Variants in SLC41A2 observed in about 807,000 individuals in gnomAD.
SLC41A2 encodes the protein solute carrier family 41 member 2.
SLC41A2 carries 32 observed loss-of-function variants against 58.3 expected under a neutral mutation model. That is an observed-to-expected ratio of 0.55 (90% CI 0.41 to 0.74). SLC41A2 has a LOEUF of 0.74. Among genes scored for constraint, SLC41A2 ranks in the 30% least tolerant of loss-of-function variants. The probability of loss-of-function intolerance (pLI) is 0.00; values close to 1 mark genes in which losing one functional copy is unlikely to be tolerated. For missense variants in SLC41A2, 514 were observed against 680.6 expected, an observed-to-expected ratio of 0.76 and a Z score of 2.72; for synonymous variants, 190 against 235.0, an observed-to-expected ratio of 0.81 and a Z score of 1.75.
chr12:104,935,652 C>T (rs935461393), intron 1 of SLC41A2, among the ~76,000 whole-genome samples: 2 of 152,322 alleles, frequency 1.3e-5, no homozygotes, highest in African/African-American at 4.8e-5. Context: ...ACAAAGGCCA[C>T]TCTGACTACA....
intron 8 of SLC41A2, among the ~76,000 whole-genome samples, chr12:104,853,076 T>G (rs1234841788): frequency 2.6e-5 from 4 of 152,224 alleles, no homozygotes; most frequent in African/African-American, 9.6e-5. Flanking sequence ...GAATTTTAAG[T>G]GCCTAATGCT....
Position 104,942,394 on chromosome 12 carries a change from C to T in SLC41A2, c.-167-13700G>A, listed in dbSNP as rs547201267. On this transcript the variant is annotated intron_variant, in intron 1 of 10. Transcript: ENST00000258538. ...TCTGGAGACTGAGGTGGGAGGATCACCTGAGCCTGAGAAGTCGAAGCTGTA... is the reference window on the plus strand; with the variant it reads ...TCTGGAGACTGAGGTGGGAGGATCATCTGAGCCTGAGAAGTCGAAGCTGTA... 6.5e-4 allele frequency among the ~76,000 whole-genome samples: 98 copies of T among 151,630 alleles called. No homozygotes were observed. In the South Asian group the frequency reaches 0.014, roughly 21 times the overall value.
chr12:104,828,745 TGATA>T (rs1255390005), intron 10 of SLC41A2, among the ~76,000 whole-genome samples: 3 of 152,028 alleles, frequency 2.0e-5, no homozygotes, highest in Non-Finnish European at 4.4e-5. Flanking sequence ...AAAAGACAAT[TGATA>T]GACTGTGAGA....
intron 1 of SLC41A2, among the ~76,000 whole-genome samples, chr12:104,939,924 A>T (rs2047433385): frequency 6.6e-6 from 1 of 152,076 alleles, no homozygotes; most frequent in African/African-American, 2.4e-5. Flanking sequence ...TATGGTTATT[A>T]TATATTCTTA....
intron 2 of SLC41A2, among the ~76,000 whole-genome samples, chr12:104,921,893 T>C (rs1424158411): frequency 1.3e-5 from 2 of 152,208 alleles, no homozygotes; most frequent in African/African-American, 2.4e-5. Context: ...AGTTAAAGTG[T>C]AGAGTTTCTT....
chr12:104,862,014 T>G (rs1593017358), intron 7 of SLC41A2, among the ~76,000 whole-genome samples: 1 of 152,302 alleles, frequency 6.6e-6, no homozygotes, highest in South Asian at 2.1e-4. Flanking sequence ...ACTTGGAGAT[T>G]TTTCTAAGTT....
intron 8 of SLC41A2, among the ~76,000 whole-genome samples, chr12:104,853,238 A>G (rs1206327913): frequency 6.6e-6 from 1 of 152,258 alleles, no homozygotes; most frequent in East Asian, 1.9e-4. Flanking sequence ...GTCATGGAAT[A>G]TATTTCAAAT....
At chr12:104,835,294 C>T (rs1029591090) in intron 10 of SLC41A2, among the ~76,000 whole-genome samples, 1 of 152,128 alleles carries the variant, frequency 6.6e-6, no homozygotes, top group Non-Finnish European at 1.5e-5. Context: ...TGTCAGATCT[C>T]TCAAGTTTGT....
chr12:104,865,500 T>C (rs537032207), intron 7 of SLC41A2, among the ~76,000 whole-genome samples: 36 of 152,316 alleles, frequency 2.4e-4, no homozygotes, highest in Middle Eastern at 3.4e-3. Context: ...ATGCCTTTAA[T>C]TCCTCTTTCT....
chr12:104,808,402 T>A (rs1284855917), intron 10 of SLC41A2, among the ~76,000 whole-genome samples: 1 of 152,252 alleles, frequency 6.6e-6, no homozygotes, highest in Non-Finnish European at 1.5e-5. Flanking sequence ...CAGCCTTGCA[T>A]CCCAGGGATG....
chr12:104,935,197 G>A (rs576137500), intron 1 of SLC41A2, among the ~76,000 whole-genome samples: 1 of 151,842 alleles, frequency 6.6e-6, no homozygotes, highest in Non-Finnish European at 1.5e-5. Context: ...GACCTCAGGT[G>A]ATCTGCCCTC....
At chr12:104,862,305 C>T (rs543623376) in intron 7 of SLC41A2, among the ~76,000 whole-genome samples, 3 of 152,190 alleles carry the variant, frequency 2.0e-5, no homozygotes, top group East Asian at 1.9e-4. Flanking sequence ...AAACTGTGGG[C>T]GTTCTCATTA....
intron 1 of SLC41A2, among the ~76,000 whole-genome samples, chr12:104,938,112 A>T (rs1377967203): frequency 6.6e-6 from 1 of 152,224 alleles, no homozygotes; most frequent in African/African-American, 2.4e-5. Flanking sequence ...CTAGCAAAAA[A>T]AAAAATGGAA....
At chr12:104,953,409 A>G (rs1262981037) in intron 1 of SLC41A2, among the ~76,000 whole-genome samples, 1 of 152,218 alleles carries the variant, frequency 6.6e-6, no homozygotes, top group African/African-American at 2.4e-5. Flanking sequence ...GATTAAAGGA[A>G]CACTTTTCTT....
chr12:104,951,449 A>C (rs971996540), intron 1 of SLC41A2: 1 of 152,204 alleles, frequency 6.6e-6, no homozygotes, highest in Non-Finnish European at 1.5e-5. Flanking sequence ...CAAATCAAAA[A>C]TTTAGTAAGA....
Position 104,941,495 on chromosome 12 carries a change from C to T in SLC41A2, c.-167-12801G>A, listed in dbSNP as rs952326642. ...CAGAATCACAACCCTCAACTCTCGCCTCCCAAAAAAAGTTAATATAAATTT... is the reference window on the plus strand; with the variant it reads ...CAGAATCACAACCCTCAACTCTCGCTTCCCAAAAAAAGTTAATATAAATTT... On this transcript the variant is annotated intron_variant, in intron 1 of 10. Transcript: ENST00000258538. Among the ~76,000 whole-genome samples, 5 of 152,122 alleles carry T rather than the reference C, an allele frequency of 3.3e-5. No homozygotes were observed. The East Asian group carries it at 9.6e-4, about 29-fold the overall frequency.
At chr12:104,896,653 A>C (rs974215737) in intron 3 of SLC41A2, among the ~76,000 whole-genome samples, 4 of 152,234 alleles carry the variant, frequency 2.6e-5, no homozygotes, top group Non-Finnish European at 4.4e-5. Flanking sequence ...GGGTTGCTTA[A>C]TAACAAATGG....
chr12:104,904,123 T>C (rs953733763), intron 3 of SLC41A2, among the ~76,000 whole-genome samples: 2 of 152,226 alleles, frequency 1.3e-5, no homozygotes, highest in African/African-American at 4.8e-5. Context: ...ATGGCCTATT[T>C]CAAAACAGAC....
intron 6 of SLC41A2, among the ~76,000 whole-genome samples, chr12:104,876,683 G>C (rs1424070127): frequency 6.6e-6 from 1 of 152,054 alleles, no homozygotes; most frequent in African/African-American, 2.4e-5. Flanking sequence ...GTTAAGACTT[G>C]TTTTGTGGCC....
Sources: allele counts gnomAD v4.1 joint callset (sites outside exome capture counted in the v4.1 genomes callset), GRCh38; gene constraint gnomAD v4.1.1; transcripts MANE v1.5; gene names NCBI Gene and HGNC (gene_info 2026-07-23, HGNC 2026-07-21).